Variants in TG observed in about 807,000 individuals in gnomAD.
The protein encoded by TG is thyroglobulin.
A neutral mutation model predicts 324.7 loss-of-function variants in TG; 270 were observed. The observed-to-expected ratio is 0.83, with a 90% CI of 0.75 to 0.92. The LOEUF is 0.92. Ranked by LOEUF, TG falls within the 40% of genes least tolerant of loss-of-function variation. The pLI, the probability that TG is intolerant of heterozygous loss-of-function variation, is 0.00. For synonymous variants in TG, 1,401 were observed against 1,327.0 expected, an observed-to-expected ratio of 1.06 and a Z score of -1.21; for missense variants, 3,591 against 3,456.4, an observed-to-expected ratio of 1.04 and a Z score of -0.98.
rs201409644 is a variant in TG at position 132,869,843 on chromosome 8, G to A, written c.274+17G>A. 97 of 1,611,328 alleles carry A rather than the reference G, an allele frequency of 6.0e-5. No individual in the cohort carries two copies. The highest frequency in any genetic ancestry group is 5.2e-4 in the Middle Eastern group (3 of 5,818). ...CTGTGGCTTGTAAGTGGGAGTGGGG[G>A]ACGTCCCTTGGAGGGACCCTGCTAG... On this transcript the variant is annotated intron_variant, in intron 3 of 47. Coordinates refer to ENST00000220616, the MANE Select transcript of TG (RefSeq NM_003235.5).
chr8:132,969,154 C>G (rs1829096906), intron 31 of TG, among the ~76,000 whole-genome samples: 1 of 152,108 alleles, frequency 6.6e-6, no homozygotes, highest in South Asian at 2.1e-4. Flanking sequence ...GGCGTTGCTT[C>G]TTTGTTCTTT....
intron 43 of TG, chr8:133,106,336 G>A (rs1403142743): frequency 1.1e-6 from 1 of 911,902 alleles, no homozygotes; most frequent in East Asian, 1.2e-4. Flanking sequence ...GCTCCTTACT[G>A]AGGCTCTGCA....
chr8:133,108,894 G>A (rs1209748346), intron 43 of TG, among the ~76,000 whole-genome samples: 3 of 152,216 alleles, frequency 2.0e-5, no homozygotes, highest in African/African-American at 7.2e-5. Context: ...TTTAGCCCGG[G>A]ACAGGTTAAT....
At chr8:133,114,865 G>A (rs1850552153) in intron 44 of TG, among the ~76,000 whole-genome samples, 1 of 152,202 alleles carries the variant, frequency 6.6e-6, no homozygotes, top group African/African-American at 2.4e-5. Context: ...TCAGGAGCCT[G>A]TGGTTTCCAA....
At chr8:132,920,793 A>G (rs1587410622) in intron 21 of TG, among the ~76,000 whole-genome samples, 1 of 152,208 alleles carries the variant, frequency 6.6e-6, no homozygotes, top group South Asian at 2.1e-4. Flanking sequence ...AGACAAAGCT[A>G]CCTTCCTCTT....
At chr8:133,113,401 C>A in intron 43 of TG, 21 bp from the exon 44 acceptor site, 1 of 1,612,058 alleles carries the variant, frequency 6.2e-7, no homozygotes, top group South Asian at 1.1e-5. Context: ...TGAGGAATTT[C>A]GTATCTTTTT....
chr8:133,134,884 A>G lies in TG; in HGVS notation c.*90A>G, dbSNP rs776217576. 61 of 985,006 alleles carry G rather than the reference A, an allele frequency of 6.2e-5. 1 individual carries two copies. Among genetic ancestry groups the G allele is most frequent in the Non-Finnish European group, 8.9e-5 (55 of 616,326 alleles). 61.0% of individuals were successfully genotyped at this position (985,006 alleles called of 1,614,324 possible). ...AATAGCCACTTACCTTCAATAAAGT[A>G]TCTACATGCGGTGAAGCATTGTTGA... On this transcript the variant is annotated 3_prime_UTR_variant, in exon 48 of 48. Transcript: ENST00000220616.
chr8:133,081,622 C>G (rs750281652), intron 41 of TG, among the ~76,000 whole-genome samples: 2 of 152,178 alleles, frequency 1.3e-5, no homozygotes, highest in Non-Finnish European at 2.9e-5. Context: ...TCCACCACAA[C>G]TGTCTGCTGC....
intron 40 of TG, among the ~76,000 whole-genome samples, chr8:133,026,444 G>A (rs975312135): frequency 2.6e-5 from 4 of 152,198 alleles, no homozygotes; most frequent in African/African-American, 9.7e-5. Context: ...CAGTTGCTGG[G>A]TGAAGGGAGG....
chr8:132,898,534 C>T (rs1250699936), intron 13 of TG, among the ~76,000 whole-genome samples: 1 of 152,232 alleles, frequency 6.6e-6, no homozygotes, highest in Non-Finnish European at 1.5e-5. Flanking sequence ...TCAGCCACTC[C>T]TGTAGTTTCA....
intron 41 of TG, among the ~76,000 whole-genome samples, chr8:133,054,003 CA>C (rs1349261653): frequency 6.6e-6 from 1 of 152,182 alleles, no homozygotes; most frequent in Non-Finnish European, 1.5e-5. Flanking sequence ...GAAGGTATTA[CA>C]GTTTGGCTTG....
intron 42 of TG, among the ~76,000 whole-genome samples, chr8:133,095,962 G>A (rs1181446693): frequency 6.6e-6 from 1 of 152,120 alleles, no homozygotes; most frequent in African/African-American, 2.4e-5. Flanking sequence ...CCCTACCTGG[G>A]GATCTGCTGT....
At chr8:132,983,713 C>T (rs923575674) in intron 35 of TG, 13 of 477,680 alleles carry the variant, frequency 2.7e-5, no homozygotes, top group Non-Finnish European at 4.6e-5. Context: ...TTCGCCCTAT[C>T]GAGTAATGAC....
At chr8:133,094,950 G>C in intron 41 of TG, 94 bp from the exon 42 acceptor site, 1 of 1,568,208 alleles carries the variant, frequency 6.4e-7, no homozygotes, top group Non-Finnish European at 8.8e-7. Flanking sequence ...CTTGGAGGAA[G>C]GATGCAGAAC....
rs542844876 is a variant in TG, at chr8:133,012,697, T to G, written c.6397+662T>G. 2.0e-5 allele frequency among the ~76,000 whole-genome samples: 3 copies of G among 152,286 alleles called. 1 individual carries two copies. In the South Asian group the frequency reaches 6.2e-4, roughly 32 times the overall value. On this transcript the variant is annotated intron_variant, in intron 36 of 47. Coordinates refer to ENST00000220616, the MANE Select transcript of TG (RefSeq NM_003235.5). ...CCATGAATCTCCTTCTCTGCAAGGT[T>G]GGATAATAATATGCACAAAGCTATG...
At chr8:133,091,452 G>A (rs1847513552) in intron 41 of TG, among the ~76,000 whole-genome samples, 1 of 152,128 alleles carries the variant, frequency 6.6e-6, no homozygotes. Flanking sequence ...GCTTGTCCGG[G>A]TAGCTGCCCA....
At chr8:133,121,241 C>A (rs1159243498) in intron 45 of TG, among the ~76,000 whole-genome samples, 2 of 152,112 alleles carry the variant, frequency 1.3e-5, no homozygotes, top group Non-Finnish European at 2.9e-5. Flanking sequence ...TCAGTTTTGC[C>A]ACCCGTGAAG....
intron 35 of TG, among the ~76,000 whole-genome samples, chr8:133,003,634 G>A (rs1024863589): frequency 1.3e-5 from 2 of 152,128 alleles, no homozygotes; most frequent in African/African-American, 4.8e-5. Context: ...GGGATATGGT[G>A]CTTTCTAGAA....
Position 133,134,845 on chromosome 8 carries a change from A to T in TG, c.*51A>T. 6.9e-7 allele frequency: 1 copy of T among 1,448,036 alleles called. No homozygotes were observed. The highest frequency in any genetic ancestry group is 9.7e-7 in the Non-Finnish European group (1 of 1,028,956). 89.7% of individuals were successfully genotyped at this position (1,448,036 alleles called of 1,614,324 possible). ...TCACCCGAGGCTGCCCACTATGGTC[A>T]TCTTTTTCTCTAAAATAGCCACTTA... is the stretch of plus-strand genomic sequence containing the variant. On this transcript the variant is annotated 3_prime_UTR_variant, in exon 48 of 48. Coordinates refer to ENST00000220616, the MANE Select transcript of TG (RefSeq NM_003235.5).
Sources: allele counts gnomAD v4.1 joint callset (sites outside exome capture counted in the v4.1 genomes callset), GRCh38; gene constraint gnomAD v4.1.1; transcripts MANE v1.5; gene names NCBI Gene and HGNC (gene_info 2026-07-23, HGNC 2026-07-21).